The following PDLIM7 variants were observed in gnomAD, a reference collection of about 807,000 sequenced individuals.
The protein encoded by PDLIM7 is PDZ and LIM domain protein 7.
PDLIM7 carries 37 observed loss-of-function variants against 53.9 expected under a neutral mutation model. The ratio of observed to expected loss-of-function variants is 0.69; its 90% CI spans 0.53 to 0.90. The LOEUF is 0.90. PDLIM7 is among the 40% of genes least tolerant of loss of function. PDLIM7 has a pLI of 0.00. For synonymous variants in PDLIM7, 300 were observed against 261.3 expected (o/e 1.15, Z -1.43); for missense variants, 617 against 638.5 (o/e 0.97, Z 0.36).
Position 177,483,574 on chromosome 5 carries a change from A to G in PDLIM7, c.*70T>C. The stretch of plus-strand genomic sequence containing the variant: ...AAGGCAACCATTGCCAGCCCTACCC[A>G]GAAATGCAGGGCCACGACTCCAGGC... On this transcript the variant is annotated 3_prime_UTR_variant, in exon 13 of 13. Transcript: ENST00000355841. 1 of 1,197,192 alleles carries G rather than the reference A, an allele frequency of 8.4e-7. No homozygotes were observed. The highest frequency in any genetic ancestry group is 1.2e-6 in the Non-Finnish European group (1 of 826,822). The allele number at this position is 1,197,192 out of a possible 1,614,324, so 74.2% of individuals were successfully genotyped here.
chr5:177,491,059 G>T lies in PDLIM7; in HGVS notation c.486C>A (p.Gly162=). ...CAAGGATGCGGAAGGAACGCGACTGGCCTGTCCCCGGCCGCGGCCGCCAGT... is the reference window on the plus strand; with the variant it reads ...CAAGGATGCGGAAGGAACGCGACTGTCCTGTCCCCGGCCGCGGCCGCCAGT... ...TEDWRPRPGT[G]QSRSFRILAH... Residue 162 remains glycine, a synonymous_variant, in exon 6 of 13, where the codon GGC becomes GGA. Coordinates refer to ENST00000355841, the MANE Select transcript of PDLIM7 (RefSeq NM_005451.5). The T allele has an allele frequency of 6.2e-7, 1 of 1,611,368 alleles. No homozygotes were observed. Among genetic ancestry groups the T allele is most frequent in the Non-Finnish European group, 8.5e-7 (1 of 1,179,060 alleles).
rs1254318114 is a variant in PDLIM7, at chr5:177,492,411, C to T, written c.273G>A (p.Pro91=). The T allele has an allele frequency of 1.9e-6, 3 of 1,613,502 alleles. No individual in the cohort carries two copies. The highest frequency in any genetic ancestry group is 2.2e-5 in the East Asian group (1 of 44,860). Residue 91 remains proline, a synonymous_variant, in exon 4 of 13, where the codon CCG becomes CCA. Coordinates refer to ENST00000355841, the MANE Select transcript of PDLIM7 (RefSeq NM_005451.5). ...LSRAQPVQSK[P]QKASAPAADP... ...GTCCCGGCCAGCCTCGTACCTTCTGCGGTTTGCTCTGAACCGGCTGGGCCC... is the reference window on the plus strand; with the variant it reads ...GTCCCGGCCAGCCTCGTACCTTCTGTGGTTTGCTCTGAACCGGCTGGGCCC...
At chr5:177,497,489 C>T (rs919523592) in intron 1 of PDLIM7, 39 bp downstream of exon 1, 2 of 152,334 alleles carry the variant, frequency 1.3e-5, no homozygotes, top group Non-Finnish European at 2.9e-5. Context: ...CGGGCGCCCG[C>T]CTGGTGCAGC....
intron 10 of PDLIM7, among the ~76,000 whole-genome samples, chr5:177,485,449 G>C (rs1413240484): frequency 6.6e-6 from 1 of 152,214 alleles, no homozygotes; most frequent in Non-Finnish European, 1.5e-5. Context: ...CAAGATGTGT[G>C]GGTCTGGCCA....
chr5:177,490,522 G>C, intron 7 of PDLIM7: 1 of 1,564,034 alleles, frequency 6.4e-7, no homozygotes, highest in Non-Finnish European at 8.7e-7. Context: ...GAGCACGTGG[G>C]CAGAGCGCTG....
Position 177,492,466 on chromosome 5 carries a change from CG to C in PDLIM7, c.249-32del, listed in dbSNP as rs750364959. 52 of 1,613,612 alleles carry C rather than the reference CG, an allele frequency of 3.2e-5. No individual in the cohort carries two copies. The Admixed American group carries it at 4.0e-4, about 12-fold the overall frequency. Reference sequence around the variant, plus strand: ...GGAGAAGGAAAGCGTGACAGCGGGCCGGGCCCGCAGGGATCCCCACTGCCAG... The same window carrying C: ...GGAGAAGGAAAGCGTGACAGCGGGCCGGCCCGCAGGGATCCCCACTGCCAG... On this transcript the variant is annotated intron_variant, in intron 3 of 12. Transcript: ENST00000355841.
At chr5:177,483,821 G>A (rs1758302696) in intron 12 of PDLIM7, 46 bp downstream of exon 12, 1 of 1,596,652 alleles carries the variant, frequency 6.3e-7, no homozygotes, top group Admixed American at 1.7e-5. Flanking sequence ...GGAATGAACA[G>A]AGGGCCGGTG....
intron 10 of PDLIM7, among the ~76,000 whole-genome samples, chr5:177,486,966 T>C (rs113073492): frequency 0.25 from 18,759 of 75,220 alleles, 3,473 homozygotes; most frequent in Non-Finnish European, 0.38. Flanking sequence ...TTTTTTTTTT[T>C]TGCTGTCTCC....
rs191436368 is a variant in PDLIM7 at position 177,491,635 on chromosome 5, C to T, written c.398+172G>A. On this transcript the variant is annotated intron_variant, in intron 5 of 12. Coordinates refer to ENST00000355841, the MANE Select transcript of PDLIM7 (RefSeq NM_005451.5). ...CCCCAGGGCGGTGCCCTGCAAGGCG[C>T]CACAGCCTCGGGAGGGGCCCTGTGC... The T allele has an allele frequency of 2.7e-3, 1,687 of 622,068 alleles. 20 individuals carry two copies. In the African/African-American group the frequency reaches 0.028, roughly 10 times the overall value. The allele number at this position is 622,068 out of a possible 1,614,324, so 38.5% of individuals were successfully genotyped here. A position where few individuals can be genotyped will look rare whatever the true frequency, so the allele number is the denominator to read the frequency against.
At chr5:177,491,716 G>T (rs1581760975) in intron 5 of PDLIM7, 91 bp downstream of exon 5, 1 of 746,208 alleles carries the variant, frequency 1.3e-6, no homozygotes, top group South Asian at 2.6e-5. Flanking sequence ...GCCGGGCTGG[G>T]GCGCAGCACA....
rs374028801 is a variant in PDLIM7, at chr5:177,488,220, C to T, written c.898G>A (p.Ala300Thr). The part of the protein sequence containing the change: ...RGRYLVALGH[A>T]YHPEEFVCSQ... ...CACACAAACTCCTCCGGGTGGTACG[C>T]GTGGCCCAGCGCCACCAGGTAGCGG... Residue 300 changes from alanine to threonine, a missense_variant, in exon 10 of 13, where the codon GCG (alanine) becomes ACG (threonine). Transcript: ENST00000355841. The T allele has an allele frequency of 1.7e-5, 28 of 1,609,192 alleles. No homozygotes were observed. The African/African-American group carries it at 3.3e-4, about 19-fold the overall frequency.
chr5:177,487,108 T>C (rs1441722006), intron 10 of PDLIM7, among the ~76,000 whole-genome samples: 2 of 152,034 alleles, frequency 1.3e-5, no homozygotes, highest in African/African-American at 4.8e-5. Context: ...AATTTTTTTA[T>C]TTTTAGTAGA....
Position 177,489,528 on chromosome 5 carries a change from C to T in PDLIM7, c.734G>A (p.Arg245Gln), listed in dbSNP as rs371832104. 2.0e-5 allele frequency: 32 copies of T among 1,609,638 alleles called. No homozygotes were observed. The highest frequency in any genetic ancestry group is 1.7e-4 in the Middle Eastern group (1 of 6,050). Residue 245 changes from arginine (R) to glutamine (Q), a missense_variant, in exon 9 of 13, where the codon CGG (arginine) becomes CAG (glutamine). Coordinates refer to ENST00000355841, the MANE Select transcript of PDLIM7 (RefSeq NM_005451.5). ...CGTGGGCGTGGCCGGCTGGCTGTGC[C>T]GGGTCAGCACTGTGCTCGTTTTGTC... ...APDKTSTVLT[R>Q]HSQPATPTPL...
intron 10 of PDLIM7, among the ~76,000 whole-genome samples, chr5:177,487,469 G>A (rs1056173895): frequency 6.6e-6 from 1 of 152,220 alleles, no homozygotes; most frequent in African/African-American, 2.4e-5. Flanking sequence ...GAGCATTTTG[G>A]CGGAGGCTGA....
chr5:177,484,513 C>T (rs1290464523), intron 10 of PDLIM7: 12 of 299,440 alleles, frequency 4.0e-5, no homozygotes, highest in African/African-American at 2.4e-4. Context: ...TCACACCCCA[C>T]ACCAGGTCCA....
chr5:177,483,652 G>A lies in PDLIM7; in HGVS notation c.1366C>T (p.His456Tyr). The A allele has an allele frequency of 6.2e-7, 1 of 1,608,636 alleles. No homozygotes were observed. The highest frequency in any genetic ancestry group is 1.3e-5 in the African/African-American group (1 of 74,956). ...RPLCKSHAFS[H>Y]V is the part of the protein sequence containing the mutation. Reference sequence around the variant, plus strand: ...CTGTGGGCAGAAGGGGCTCACACATGAGAGAAGGCATGGCTCTTGCAGAGA... The same window carrying A: ...CTGTGGGCAGAAGGGGCTCACACATAAGAGAAGGCATGGCTCTTGCAGAGA... Residue 456 changes from histidine (H) to tyrosine (Y), a missense_variant, in exon 13 of 13, where the codon CAT becomes TAT. Transcript: ENST00000355841.
At chr5:177,486,672 T>C (rs1474339515) in intron 10 of PDLIM7, among the ~76,000 whole-genome samples, 1 of 152,168 alleles carries the variant, frequency 6.6e-6, no homozygotes, top group Non-Finnish European at 1.5e-5. Context: ...AGAGTCTCGC[T>C]CTGTCGCCCA....
intron 10 of PDLIM7, 164 bp downstream of exon 10, chr5:177,487,904 C>T (rs1758542874): frequency 3.7e-6 from 2 of 547,050 alleles, no homozygotes; most frequent in Non-Finnish European, 3.0e-6. Flanking sequence ...TTGTTAAGAG[C>T]ATCCTGACTA....
intron 7 of PDLIM7, chr5:177,490,319 G>A (rs1477357788): frequency 6.9e-7 from 1 of 1,446,376 alleles, no homozygotes; most frequent in African/African-American, 1.4e-5. Flanking sequence ...GGGCAAAGAG[G>A]GAAGGCAGTG....
Sources: gnomAD v4.1 joint callset for allele counts (sites outside exome capture counted in the v4.1 genomes callset) on GRCh38, gnomAD v4.1.1 for gene constraint, MANE v1.5 for transcripts, NCBI Gene and HGNC (gene_info 2026-07-23, HGNC 2026-07-21) for gene names.